Variants in PTK2 observed in about 807,000 individuals in gnomAD.
PTK2 encodes the protein protein tyrosine kinase 2.
A neutral mutation model predicts 150.1 loss-of-function variants in PTK2; 45 were observed. The observed-to-expected ratio is 0.30, with a 90% CI of 0.24 to 0.38. PTK2 has a LOEUF of 0.38. Among genes scored for constraint, PTK2 ranks in the 10% least tolerant of loss-of-function variants. The pLI, the probability that PTK2 is intolerant of heterozygous loss-of-function variation, is 1.00. For synonymous variants in PTK2, 432 were observed against 449.2 expected, an observed-to-expected ratio of 0.96 and a Z score of 0.48; for missense variants, 919 against 1,307.3, an observed-to-expected ratio of 0.70 and a Z score of 4.58.
At chr8:140,857,724 C>T (rs2100133577) in intron 5 of PTK2, among the ~76,000 whole-genome samples, 3 of 152,186 alleles carry the variant, frequency 2.0e-5, no homozygotes. Context: ...AGTGAGAGAG[C>T]TTATCTTGAG....
At chr8:140,676,553 A>T (rs1179666826) in intron 27 of PTK2, among the ~76,000 whole-genome samples, 1 of 143,766 alleles carries the variant, frequency 7.0e-6, no homozygotes, top group East Asian at 2.0e-4. Flanking sequence ...GCGTATACAC[A>T]TACGTAAGAA....
chr8:140,768,439 A>C, intron 14 of PTK2, among the ~76,000 whole-genome samples: 1 of 152,216 alleles, frequency 6.6e-6, no homozygotes, highest in Admixed American at 6.5e-5. Context: ...CCTCACAACA[A>C]CCACTTGAGA....
intron 26 of PTK2, among the ~76,000 whole-genome samples, chr8:140,689,790 A>G (rs1263017902): frequency 6.6e-6 from 1 of 152,172 alleles, no homozygotes; most frequent in Non-Finnish European, 1.5e-5. Flanking sequence ...TTGTAACTTT[A>G]AAAAACTCTG....
At chr8:140,832,220 A>T (rs2100115858) in intron 7 of PTK2, among the ~76,000 whole-genome samples, 1 of 151,890 alleles carries the variant, frequency 6.6e-6, no homozygotes, top group South Asian at 2.1e-4. Flanking sequence ...ACGCCCAGCT[A>T]TTTTTTGTAT....
chr8:140,948,567 T>C (rs953347451), intron 1 of PTK2: 6 of 147,732 alleles, frequency 4.1e-5, no homozygotes, highest in East Asian at 4.0e-4. Context: ...GGAAGAGATA[T>C]GGGGAATAAC....
chr8:140,828,852 A>G (rs957085086), intron 8 of PTK2, among the ~76,000 whole-genome samples: 3 of 152,124 alleles, frequency 2.0e-5, no homozygotes, highest in Non-Finnish European at 4.4e-5. Context: ...CCCACACCTA[A>G]TAACTCTCTC....
intron 2 of PTK2, among the ~76,000 whole-genome samples, chr8:140,905,147 C>G (rs1261048011): frequency 6.6e-6 from 1 of 152,092 alleles, no homozygotes; most frequent in Non-Finnish European, 1.5e-5. Context: ...ATAAATTTCC[C>G]TCTAAACACT....
intron 16 of PTK2, among the ~76,000 whole-genome samples, chr8:140,758,598 T>G (rs569641149): frequency 6.6e-6 from 1 of 152,146 alleles, no homozygotes; most frequent in African/African-American, 2.4e-5. Context: ...TGTGTAGGCC[T>G]AGCCTAATGT....
intron 8 of PTK2, among the ~76,000 whole-genome samples, chr8:140,829,453 G>A (rs1016722805): frequency 6.6e-6 from 1 of 152,160 alleles, no homozygotes; most frequent in African/African-American, 2.4e-5. Context: ...ACATGACGTC[G>A]ACAGTTCTCT....
At chr8:140,914,060 T>C (rs1398531842) in intron 2 of PTK2, among the ~76,000 whole-genome samples, 1 of 152,196 alleles carries the variant, frequency 6.6e-6, no homozygotes, top group Non-Finnish European at 1.5e-5. Flanking sequence ...ACTCATTTTA[T>C]ACAGTTTTTA....
Position 140,809,633 on chromosome 8 carries a change from C to G in PTK2, c.868-5983G>C, listed in dbSNP as rs375400762. On this transcript the variant is annotated intron_variant, in intron 10 of 31. Coordinates refer to ENST00000522684, the Ensembl canonical transcript of PTK2. The stretch of plus-strand genomic sequence containing the variant: ...CAGCTTGGGCAACATGGCAAAACCC[C>G]CTCTCTACAAAAAAATACAAAAATT... 2.7e-4 allele frequency among the ~76,000 whole-genome samples: 41 copies of G among 152,176 alleles called. 2 individuals carry two copies. The highest frequency in any genetic ancestry group is 9.6e-4 in the African/African-American group (40 of 41,500).
intron 1 of PTK2, among the ~76,000 whole-genome samples, chr8:140,994,839 C>T (rs955897627): frequency 6.6e-6 from 1 of 152,136 alleles, no homozygotes; most frequent in African/African-American, 2.4e-5. Context: ...ATTACTAATT[C>T]TATAATGGGC....
intron 3 of PTK2, among the ~76,000 whole-genome samples, chr8:140,890,026 A>G (rs973227717): frequency 9.9e-5 from 15 of 152,228 alleles, no homozygotes; most frequent in Non-Finnish European, 1.8e-4. Context: ...AATCACATTC[A>G]TGATGTCTCT....
chr8:140,922,017 T>C (rs1305872850), intron 2 of PTK2, among the ~76,000 whole-genome samples: 1 of 135,588 alleles, frequency 7.4e-6, no homozygotes, highest in Non-Finnish European at 1.7e-5. Context: ...ATGTGGGTAA[T>C]TTTGTTAGTA....
chr8:140,901,644 C>T (rs2100158472), intron 2 of PTK2, among the ~76,000 whole-genome samples: 1 of 148,736 alleles, frequency 6.7e-6, no homozygotes, highest in Admixed American at 6.7e-5. Context: ...AAAGCAAGAT[C>T]CTGTCTTTTT....
intron 4 of PTK2, among the ~76,000 whole-genome samples, chr8:140,873,916 G>C (rs1044559834): frequency 6.6e-6 from 1 of 152,186 alleles, no homozygotes; most frequent in South Asian, 2.1e-4. Context: ...GAATTTGCCA[G>C]CCTTTCTTTT....
chr8:140,936,735 T>C (rs1319397859), intron 1 of PTK2, among the ~76,000 whole-genome samples: 1 of 152,194 alleles, frequency 6.6e-6, no homozygotes, highest in Non-Finnish European at 1.5e-5. Context: ...TTTTTAAGCA[T>C]GGCAAAGTTA....
At chr8:140,678,763 T>C (rs1399965011) in intron 27 of PTK2, among the ~76,000 whole-genome samples, 2 of 151,850 alleles carry the variant, frequency 1.3e-5, no homozygotes, top group African/African-American at 2.4e-5. Context: ...AGGAGTCCAG[T>C]AGGGCAAACC....
chr8:140,830,571 C>T, intron 7 of PTK2, 45 bp from the exon 8 acceptor site: 1 of 1,113,878 alleles, frequency 9.0e-7, no homozygotes, highest in Non-Finnish European at 1.3e-6. Context: ...ACCACCAAAT[C>T]AATTAATATG....
Sources: allele counts gnomAD v4.1 joint callset (sites outside exome capture counted in the v4.1 genomes callset), GRCh38; gene constraint gnomAD v4.1.1; transcripts MANE v1.5; gene names NCBI Gene and HGNC (gene_info 2026-07-23, HGNC 2026-07-21).